MGAT4C: variants seen among roughly 807,000 people sequenced by gnomAD.
The protein encoded by MGAT4C is alpha-1,3-mannosyl-glycoprotein 4-beta-N-acetylglucosaminyltransferase C.
Under a neutral mutation model 40.1 loss-of-function variants are expected in MGAT4C, and 19 were observed. The observed-to-expected ratio is 0.47, with a 90% confidence interval of 0.33 to 0.70. MGAT4C has a LOEUF of 0.70. MGAT4C is among the 30% of genes least tolerant of loss of function. The pLI is 0.02. For synonymous variants in MGAT4C, 181 were observed against 187.1 expected (o/e 0.97, Z 0.27); for missense variants, 491 against 563.2 (o/e 0.87, Z 1.30).
chr12:86,813,833 T>C (rs1319600716), intron 1 of MGAT4C, among the ~76,000 whole-genome samples: 1 of 152,168 alleles, frequency 6.6e-6, no homozygotes, highest in African/African-American at 2.4e-5. Context: ...TATTTAAACA[T>C]TCTATTCCTA....
intron 2 of MGAT4C, among the ~76,000 whole-genome samples, chr12:86,470,360 G>A (rs550879870): frequency 7.2e-4 from 109 of 152,172 alleles, no homozygotes; most frequent in Non-Finnish European, 1.2e-3. Flanking sequence ...TATGAGGACT[G>A]AACTTCGACT....
At chr12:86,761,305 G>C (rs1156863561) in intron 1 of MGAT4C, among the ~76,000 whole-genome samples, 1 of 152,040 alleles carries the variant, frequency 6.6e-6, no homozygotes, top group Non-Finnish European at 1.5e-5. Context: ...GGTTAATTTG[G>C]GTCATTGTGA....
intron 2 of MGAT4C, among the ~76,000 whole-genome samples, chr12:86,613,736 A>T (rs1302252541): frequency 1.3e-5 from 2 of 152,192 alleles, no homozygotes; most frequent in Non-Finnish European, 1.5e-5. Context: ...CATAATAAAA[A>T]TTATATATTT....
chr12:86,082,228 T>C (rs1391736075), intron 1 of MGAT4C, among the ~76,000 whole-genome samples: 1 of 152,172 alleles, frequency 6.6e-6, no homozygotes, highest in East Asian at 1.9e-4. Context: ...TTAAACAGTC[T>C]AGATGACCTT....
intron 1 of MGAT4C, among the ~76,000 whole-genome samples, chr12:86,761,001 A>C (rs1951395346): frequency 6.6e-6 from 1 of 152,200 alleles, no homozygotes; most frequent in Admixed American, 6.5e-5. Context: ...TATGTTCACT[A>C]TCTTAATTTT....
In MGAT4C at chr12:86,578,877, T is replaced by C. The variant is rs11103997; in HGVS notation, c.-228-143612A>G. On this transcript the variant is annotated intron_variant, in intron 2 of 7. Transcript: ENST00000548651. Reference sequence around the variant, plus strand: ...TCTGATCTTTATTTTTTTCTTCTAATGTTTTTGGTTTTGCTTTGCTGTTGC... The same window carrying C: ...TCTGATCTTTATTTTTTTCTTCTAACGTTTTTGGTTTTGCTTTGCTGTTGC... Among the ~76,000 whole-genome samples, 904 of 151,744 alleles carry C rather than the reference T, an allele frequency of 6.0e-3. 51 individuals carry two copies. The East Asian group carries it at 0.12, about 21-fold the overall frequency.
At chr12:86,257,658 ACTCAATGGC>A (rs1332440577), upstream of MGAT4C, among the ~76,000 whole-genome samples, 1 of 152,216 alleles carries the variant, frequency 6.6e-6, no homozygotes, top group African/African-American at 2.4e-5. Flanking sequence ...AATTATTTTT[ACTCAATGGC>A]CTCAATAAGA....
At chr12:86,819,646 A>T (rs918255534) in intron 1 of MGAT4C, among the ~76,000 whole-genome samples, 7 of 150,912 alleles carry the variant, frequency 4.6e-5, no homozygotes, top group Non-Finnish European at 1.0e-4. Flanking sequence ...TAATATGTAC[A>T]TTTCTGAAAC....
intron 1 of MGAT4C, among the ~76,000 whole-genome samples, chr12:86,071,772 T>G (rs1004302834): frequency 6.6e-6 from 1 of 152,132 alleles, no homozygotes; most frequent in Non-Finnish European, 1.5e-5. Context: ...ATTAACTAAC[T>G]TGCACAAGTT....
At chr12:86,598,160 T>G (rs4427624) in intron 2 of MGAT4C, among the ~76,000 whole-genome samples, 131,644 of 152,136 alleles carry the variant, frequency 0.87, 57,771 homozygotes, top group East Asian at 0.96. Context: ...AATTGCCAAT[T>G]TATACATGTT....
chr12:86,007,276 CT>C (rs1277911980), intron 2 of MGAT4C, among the ~76,000 whole-genome samples: 1 of 152,054 alleles, frequency 6.6e-6, no homozygotes, highest in Non-Finnish European at 1.5e-5. Context: ...TGAAATGGGG[CT>C]TTATTTCAAT....
chr12:86,493,100 C>T (rs1268756351), intron 2 of MGAT4C, among the ~76,000 whole-genome samples: 1 of 150,624 alleles, frequency 6.6e-6, no homozygotes, highest in Non-Finnish European at 1.5e-5. Flanking sequence ...CAATGAGATA[C>T]CATCTCACAC....
chr12:86,330,603 TTAAA>T (rs1954641078), intron 4 of MGAT4C, among the ~76,000 whole-genome samples: 1 of 152,198 alleles, frequency 6.6e-6, no homozygotes, highest in Non-Finnish European at 1.5e-5. Context: ...AAATATTTTG[TTAAA>T]TAAACCAGTG....
chr12:86,107,320 T>G (rs1313249861), intron 1 of MGAT4C, among the ~76,000 whole-genome samples: 1 of 152,142 alleles, frequency 6.6e-6, no homozygotes, highest in Non-Finnish European at 1.5e-5. Flanking sequence ...TCAAAGCCAG[T>G]TCTCTTTTTT....
chr12:86,262,710 G>A (rs1952685616), intron 4 of MGAT4C, among the ~76,000 whole-genome samples: 1 of 151,874 alleles, frequency 6.6e-6, no homozygotes, highest in Non-Finnish European at 1.5e-5. Context: ...AAAAACTTTG[G>A]CATGAAATTG....
chr12:86,720,058 T>C lies in MGAT4C; in HGVS notation c.-229+7151A>G, dbSNP rs544667934. The stretch of plus-strand genomic sequence containing the variant: ...TAAAACATGTCTTAATTTAAAAATA[T>C]TTTGCAAATGAGAGAGCCTTGGACT... On this transcript the variant is annotated intron_variant, in intron 2 of 7. Coordinates refer to the MGAT4C transcript ENST00000548651. Among the ~76,000 whole-genome samples the C allele has an allele frequency of 2.0e-5, 3 of 152,256 alleles. No homozygotes were observed. The East Asian group carries it at 5.8e-4, about 29-fold the overall frequency.
At chr12:86,210,307 A>C (rs1248221826) in intron 1 of MGAT4C, among the ~76,000 whole-genome samples, 2 of 152,230 alleles carry the variant, frequency 1.3e-5, no homozygotes, top group Admixed American at 1.3e-4. Context: ...TTGCAGGTGC[A>C]ATGTTCAGCA....
chr12:86,778,398 T>G (rs1216036276), intron 1 of MGAT4C, among the ~76,000 whole-genome samples: 1 of 152,164 alleles, frequency 6.6e-6, no homozygotes, highest in Non-Finnish European at 1.5e-5. Context: ...CTTTGAGAAT[T>G]TTTTTCCTTT....
chr12:86,453,512 G>C (rs1957460706), intron 2 of MGAT4C, among the ~76,000 whole-genome samples: 1 of 152,058 alleles, frequency 6.6e-6, no homozygotes, highest in Non-Finnish European at 1.5e-5. Flanking sequence ...AAGTAGGAAG[G>C]GGGTAATTTT....
Sources: allele counts gnomAD v4.1 joint callset (sites outside exome capture counted in the v4.1 genomes callset), GRCh38; gene constraint gnomAD v4.1.1; transcripts MANE v1.5; gene names NCBI Gene and HGNC (gene_info 2026-07-23, HGNC 2026-07-21).